INPP1: variants seen among roughly 807,000 people sequenced by gnomAD.
The protein encoded by INPP1 is inositol polyphosphate-1-phosphatase.
In INPP1, 18 loss-of-function variants were observed where a neutral mutation model predicts 23.0. The ratio of observed to expected loss-of-function variants is 0.78; its 90% confidence interval spans 0.54 to 1.16. The LOEUF (loss-of-function observed/expected upper bound fraction) is 1.16. INPP1 is among the 50% of genes most tolerant of loss of function. The probability of loss-of-function intolerance (pLI) is 0.00; values close to 1 mark genes in which losing one functional copy is unlikely to be tolerated. For missense variants in INPP1, 448 were observed against 482.1 expected (o/e 0.93, Z 0.66); for synonymous variants, 164 against 176.3 (o/e 0.93, Z 0.55).
intron 1 of INPP1, among the ~76,000 whole-genome samples, chr2:190,344,713 T>A (rs1357435313): frequency 6.6e-6 from 1 of 152,220 alleles, no homozygotes; most frequent in Non-Finnish European, 1.5e-5. Flanking sequence ...TGAAAAACAC[T>A]TATAAGAAAC....
intron 4 of INPP1, among the ~76,000 whole-genome samples, chr2:190,366,228 G>C (rs111072091): frequency 0.1 from 12,988 of 125,102 alleles, 1,458 homozygotes; most frequent in African/African-American, 0.29. Flanking sequence ...TCTCTCTCTT[G>C]CTTGCTCTCT....
At chr2:190,347,359 GA>G (rs954029282) in intron 1 of INPP1, among the ~76,000 whole-genome samples, 7 of 149,476 alleles carry the variant, frequency 4.7e-5, no homozygotes, top group African/African-American at 9.8e-5. Flanking sequence ...ATTCAAAAAA[GA>G]AAAAAAAATT....
intron 2 of INPP1, among the ~76,000 whole-genome samples, chr2:190,359,059 G>A (rs1438970610): frequency 2.0e-5 from 3 of 152,152 alleles, no homozygotes; most frequent in South Asian, 4.1e-4. Context: ...CAGCACTTTG[G>A]GAGGCCGAGG....
intron 5 of INPP1, 52 bp downstream of exon 5, chr2:190,366,947 T>C (rs1220297426): frequency 1.6e-6 from 2 of 1,233,556 alleles, no homozygotes; most frequent in Non-Finnish European, 2.4e-6. Context: ...TTTTTGGTGG[T>C]GGGGTTGGGG....
intron 2 of INPP1, among the ~76,000 whole-genome samples, chr2:190,350,276 T>C (rs1348735983): frequency 1.3e-5 from 2 of 152,240 alleles, no homozygotes; most frequent in Non-Finnish European, 2.9e-5. Flanking sequence ...CAACTATTTT[T>C]TTCCGAGCAT....
chr2:190,367,552 G>A lies in INPP1; in HGVS notation c.466+657G>A, dbSNP rs770875057. On this transcript the variant is annotated intron_variant, in intron 5 of 6. Transcript: ENST00000392329. This position sits in a 1 kb window ranked among gnomAD's most constrained non-coding sequence, Gnocchi z 4.1. The stretch of plus-strand genomic sequence containing the variant: ...ATGTATAATCCATTGTTTTGAAAAT[G>A]TAACCCTTTTTTTTGAGACAGAGTC... 3.9e-5 allele frequency among the ~76,000 whole-genome samples: 6 copies of A among 152,156 alleles called. No homozygotes were observed. The highest frequency in any genetic ancestry group is 7.4e-5 in the Non-Finnish European group (5 of 68,012).
At position 190,366,154 on chromosome 2, in the gene INPP1, G is replaced by A. The variant is rs1482866264; in HGVS notation, c.266-541G>A. Among the ~76,000 whole-genome samples the A allele has an allele frequency of 2.7e-5, 3 of 111,018 alleles. 1 individual carries two copies. The highest frequency in any genetic ancestry group is 6.7e-4 in the South Asian group (2 of 2,996). 72.8% of individuals were successfully genotyped at this position (111,018 alleles called of 152,430 possible). On this transcript the variant is annotated intron_variant, in intron 4 of 6. Transcript: ENST00000392329. Reference sequence around the variant, plus strand: ...CTCTCTTGCTCTCTCTCGCTCTTTCGCTGTCTCTCTCGCTCTTTGTCTCTT... The same window carrying A: ...CTCTCTTGCTCTCTCTCGCTCTTTCACTGTCTCTCTCGCTCTTTGTCTCTT...
Position 190,366,678 on chromosome 2 carries a change from G to C in INPP1, c.266-17G>C, listed in dbSNP as rs773675666. ...AACTCTTGAAATGTAATGGCTTATCGTGTGGCTTTACCCTAGGGGAAAAGA... is the reference window on the plus strand; with the variant it reads ...AACTCTTGAAATGTAATGGCTTATCCTGTGGCTTTACCCTAGGGGAAAAGA... On this transcript the variant is annotated splice_polypyrimidine_tract_variant and intron_variant, in intron 4 of 6. Transcript: ENST00000392329. 18 of 1,570,376 alleles carry C rather than the reference G, an allele frequency of 1.1e-5. No homozygotes were observed. The highest frequency in any genetic ancestry group is 6.7e-5 in the Admixed American group (4 of 59,876).
intron 3 of INPP1, among the ~76,000 whole-genome samples, chr2:190,361,843 C>A (rs1474106419): frequency 1.3e-5 from 2 of 152,272 alleles, no homozygotes; most frequent in African/African-American, 4.8e-5. Context: ...ATTATTAAAG[C>A]TATTGGTCAT....
At chr2:190,369,305 A>G in intron 6 of INPP1, 28 bp downstream of exon 6, 1 of 1,438,308 alleles carries the variant, frequency 7.0e-7, no homozygotes, top group Non-Finnish European at 9.6e-7. Flanking sequence ...TTGGTATATT[A>G]TGGTTGTTAG....
At position 190,345,624 on chromosome 2, in the gene INPP1, A is replaced by C. The variant is rs1689200707; in HGVS notation, c.-209+1663A>C. ...TTTTTCCCGATGTGAGTCCTTATGA[A>C]TGTTCTTGTTAAAATACTTTGAATC... On this transcript the variant is annotated intron_variant, in intron 1 of 6. Transcript: ENST00000392329. The surrounding 1 kb of genome is among the most constrained non-coding windows in gnomAD (Gnocchi z 4.9). 1 of 152,224 alleles carries C rather than the reference A, an allele frequency of 6.6e-6. No individual in the cohort carries two copies. The highest frequency in any genetic ancestry group is 2.4e-5 in the African/African-American group (1 of 41,444). The allele number at this position is 152,224 out of a possible 1,614,324, so 9.4% of individuals were successfully genotyped here. A position where few individuals can be genotyped will look rare whatever the true frequency, so the allele number is the denominator to read the frequency against.
rs566450081 is a variant in INPP1 at position 190,371,589 on chromosome 2, T to C, written c.*187T>C. ...AAATGACATTCATGCAGCAATTATA[T>C]TGGTGTATGAAATTCTTACAGTGAA... On this transcript the variant is annotated 3_prime_UTR_variant, in exon 7 of 7. Coordinates refer to ENST00000392329, the MANE Select transcript of INPP1 (RefSeq NM_001128928.2). The surrounding 1 kb of genome is among the most constrained non-coding windows in gnomAD (Gnocchi z 5.3). 3 of 462,934 alleles carry C rather than the reference T, an allele frequency of 6.5e-6. No homozygotes were observed. The highest frequency in any genetic ancestry group is 6.5e-5 in the East Asian group (2 of 30,926). The allele number at this position is 462,934 out of a possible 1,614,324, so 28.7% of individuals were successfully genotyped here.
rs150580533 is a variant in INPP1, at chr2:190,346,695, A to G, written c.-208-2193A>G. On this transcript the variant is annotated intron_variant, in intron 1 of 6. Coordinates refer to ENST00000392329, the MANE Select transcript of INPP1 (RefSeq NM_001128928.2). This position sits in a 1 kb window ranked among gnomAD's most constrained non-coding sequence, Gnocchi z 5.1. ...TGTGATCATGGCTTATGCAGTCTCC[A>G]CCTCTCAGGCTCAAGGAATCCTCCC... Among the ~76,000 whole-genome samples the G allele has an allele frequency of 6.6e-6, 1 of 151,894 alleles. No individual in the cohort carries two copies. Among genetic ancestry groups the G allele is most frequent in the Non-Finnish European group, 1.5e-5 (1 of 67,950 alleles).
At position 190,369,226 on chromosome 2, in the gene INPP1, T is replaced by C; in HGVS notation, c.590T>C (p.Leu197Pro). Residue 197 changes from leucine (L) to proline (P), a missense_variant, in exon 6 of 7, where the codon CTG (leucine) becomes CCG (proline). Leu to Pro is a moderately conservative substitution (Grantham distance 98, BLOSUM62 -3). Transcript: ENST00000392329. ...GVYDIQTGVP[L>P]MGVINQPFVS... ...TATGACATACAGACAGGGGTTCCCC[T>C]GATGGGAGTCATCAATCAACCTTTT... The C allele has an allele frequency of 6.2e-7, 1 of 1,602,634 alleles. No individual in the cohort carries two copies. Among genetic ancestry groups the C allele is most frequent in the Admixed American group, 1.7e-5 (1 of 59,762 alleles).
At chr2:190,362,315 C>A (rs1413526402) in intron 3 of INPP1, among the ~76,000 whole-genome samples, 1 of 152,152 alleles carries the variant, frequency 6.6e-6, no homozygotes, top group Non-Finnish European at 1.5e-5. Flanking sequence ...TATTCGAATT[C>A]TATGGCCCTT....
intron 4 of INPP1, among the ~76,000 whole-genome samples, chr2:190,366,248 T>C (rs1174737591): frequency 6.7e-6 from 1 of 149,082 alleles, no homozygotes; most frequent in Non-Finnish European, 1.5e-5. Context: ...TGTCTCACTC[T>C]TTCCCTCTGT....
chr2:190,370,729 G>A, intron 6 of INPP1, 115 bp from the exon 7 acceptor site: 1 of 776,518 alleles, frequency 1.3e-6, no homozygotes, highest in Admixed American at 2.4e-5. Context: ...AAGGTGTTAA[G>A]ATTCACCATG....
In INPP1 at chr2:190,370,802, CAAAT is replaced by C. The variant is rs769605213; in HGVS notation, c.642-41_642-38del. 3.5e-6 allele frequency: 5 copies of C among 1,436,702 alleles called. No homozygotes were observed. The South Asian group carries it at 6.6e-5, about 19-fold the overall frequency. The allele number at this position is 1,436,702 out of a possible 1,614,324, so 89.0% of individuals were successfully genotyped here. On this transcript the variant is annotated intron_variant, in intron 6 of 6. Transcript: ENST00000392329. ...TGAAAGTGACATGAGTAATGAAAAACAAATGTGATAATCATCACCAATTGAAATT... is the reference window on the plus strand; with the variant it reads ...TGAAAGTGACATGAGTAATGAAAAACGTGATAATCATCACCAATTGAAATT...
intron 2 of INPP1, among the ~76,000 whole-genome samples, chr2:190,353,630 G>A (rs1689363789): frequency 6.6e-6 from 1 of 152,132 alleles, no homozygotes; most frequent in South Asian, 2.1e-4. Flanking sequence ...CAACATCACT[G>A]CAAGGTAACT....
Sources: gnomAD v4.1 joint callset for allele counts (sites outside exome capture counted in the v4.1 genomes callset) on GRCh38, gnomAD v4.1.1 for gene constraint, Gnocchi (gnomAD v3.1) non-coding constraint, MANE v1.5 for transcripts, NCBI Gene and HGNC (gene_info 2026-07-23, HGNC 2026-07-21) for gene names.